Variants in SYT9 observed in about 807,000 individuals in gnomAD.
SYT9 encodes the protein synaptotagmin 9, also known as synaptotagmin-9.
In SYT9, 22 loss-of-function variants were observed where a neutral mutation model predicts 48.4. The ratio of observed to expected loss-of-function variants is 0.45; its 90% CI spans 0.32 to 0.65. The LOEUF (loss-of-function observed/expected upper bound fraction) is 0.65. Ranked by LOEUF, SYT9 falls within the 30% of genes least tolerant of loss-of-function variation. The pLI is 0.03. For missense variants in SYT9, 577 were observed against 622.0 expected, an observed-to-expected ratio of 0.93 and a Z score of 0.77; for synonymous variants, 265 against 245.0, an observed-to-expected ratio of 1.08 and a Z score of -0.76.
chr11:7,311,479 AG>A (rs1365097556), intron 2 of SYT9, among the ~76,000 whole-genome samples: 1 of 152,212 alleles, frequency 6.6e-6, no homozygotes, highest in Non-Finnish European at 1.5e-5. Context: ...GCAGAGTGAC[AG>A]GGCCTAGGGC....
At chr11:7,331,025 C>A (rs1297029678) in intron 3 of SYT9, among the ~76,000 whole-genome samples, 1 of 151,888 alleles carries the variant, frequency 6.6e-6, no homozygotes, top group Non-Finnish European at 1.5e-5. Context: ...TCTCGAACTC[C>A]TGACTCAAGT....
chr11:7,297,006 GAC>G (rs745565600), intron 1 of SYT9, among the ~76,000 whole-genome samples: 1 of 151,224 alleles, frequency 6.6e-6, no homozygotes, highest in African/African-American at 2.4e-5. Flanking sequence ...CCCTCCCCCT[GAC>G]ACACACACAA....
At chr11:7,318,374 C>G (rs996712306) in intron 3 of SYT9, among the ~76,000 whole-genome samples, 1 of 151,602 alleles carries the variant, frequency 6.6e-6, no homozygotes, top group African/African-American at 2.4e-5. Flanking sequence ...AGTGCAATGG[C>G]GCAATCAAGG....
chr11:7,350,602 C>T (rs1849895771), intron 3 of SYT9, among the ~76,000 whole-genome samples: 1 of 152,128 alleles, frequency 6.6e-6, no homozygotes, highest in African/African-American at 2.4e-5. Context: ...GGCCTGGGCT[C>T]ACTTTCCTTC....
At chr11:7,427,603 G>A (rs1011279650) in intron 6 of SYT9, 1 of 152,158 alleles carries the variant, frequency 6.6e-6, no homozygotes, top group Non-Finnish European at 1.5e-5. Flanking sequence ...TTTCTCACTA[G>A]GAATATATTT....
chr11:7,353,897 A>C (rs1265878073), intron 3 of SYT9, among the ~76,000 whole-genome samples: 1 of 152,222 alleles, frequency 6.6e-6, no homozygotes, highest in Non-Finnish European at 1.5e-5. Context: ...TTAAAAACAT[A>C]CACAAAATTT....
At chr11:7,330,717 A>T (rs1236285786) in intron 3 of SYT9, among the ~76,000 whole-genome samples, 1 of 152,056 alleles carries the variant, frequency 6.6e-6, no homozygotes, top group East Asian at 1.9e-4. Flanking sequence ...TTCTTTTGAG[A>T]TGGAGTTTCC....
intron 3 of SYT9, among the ~76,000 whole-genome samples, chr11:7,368,152 C>G (rs1451070837): frequency 6.6e-6 from 1 of 152,170 alleles, no homozygotes; most frequent in Non-Finnish European, 1.5e-5. Context: ...AAAGTATAAG[C>G]TAATGATTTT....
At chr11:7,362,737 T>C (rs1453149226) in intron 3 of SYT9, among the ~76,000 whole-genome samples, 3 of 152,154 alleles carry the variant, frequency 2.0e-5, no homozygotes, top group East Asian at 1.9e-4. Flanking sequence ...TCAACATTAA[T>C]GTGTTATATC....
chr11:7,361,007 T>C (rs974248721), intron 3 of SYT9, among the ~76,000 whole-genome samples: 2 of 152,194 alleles, frequency 1.3e-5, no homozygotes, highest in African/African-American at 4.8e-5. Flanking sequence ...TAGTATTCTC[T>C]AACATTTCTA....
At chr11:7,318,158 A>C (rs1046757367) in intron 3 of SYT9, among the ~76,000 whole-genome samples, 12 of 152,092 alleles carry the variant, frequency 7.9e-5, no homozygotes, top group Non-Finnish European at 1.3e-4. Flanking sequence ...CTACGTTAAG[A>C]TCTTGCATGT....
At chr11:7,288,014 G>T (rs1368146448) in intron 1 of SYT9, among the ~76,000 whole-genome samples, 1 of 151,862 alleles carries the variant, frequency 6.6e-6, no homozygotes, top group Non-Finnish European at 1.5e-5. Context: ...TCCCAGTAGA[G>T]AGAAGCATCA....
At chr11:7,333,164 G>A (rs1849572545) in intron 3 of SYT9, among the ~76,000 whole-genome samples, 1 of 152,206 alleles carries the variant, frequency 6.6e-6, no homozygotes, top group South Asian at 2.1e-4. Flanking sequence ...CTTCCAGGCT[G>A]AAATTCACTA....
intron 3 of SYT9, among the ~76,000 whole-genome samples, chr11:7,412,532 C>A (rs1175191315): frequency 6.6e-6 from 1 of 152,096 alleles, no homozygotes; most frequent in African/African-American, 2.4e-5. Flanking sequence ...TTTCTGGGAA[C>A]TAGGTTATTA....
intron 1 of SYT9, among the ~76,000 whole-genome samples, chr11:7,290,987 G>T (rs1310432750): frequency 6.6e-6 from 1 of 152,160 alleles, no homozygotes; most frequent in Admixed American, 6.5e-5. Flanking sequence ...TAATAGTAGG[G>T]AGCCATTGCT....
At chr11:7,423,147 G>T (rs928255802) in intron 6 of SYT9, among the ~76,000 whole-genome samples, 2 of 152,164 alleles carry the variant, frequency 1.3e-5, no homozygotes, top group Non-Finnish European at 2.9e-5. Context: ...GCAGGGGGAG[G>T]GCAAACCTTC....
chr11:7,314,251 T>G (rs1849201005), intron 3 of SYT9: 2 of 485,684 alleles, frequency 4.1e-6, no homozygotes, highest in Non-Finnish European at 8.0e-6. Context: ...TCTTTAGAGC[T>G]TTTTCAGGTT....
Position 7,466,809 on chromosome 11 carries a change from A to C in SYT9, c.*9A>C, listed in dbSNP as rs199948477. 9.4e-5 allele frequency: 151 copies of C among 1,613,418 alleles called. No individual in the cohort carries two copies. The African/African-American group carries it at 1.9e-3, about 20-fold the overall frequency. On this transcript the variant is annotated 3_prime_UTR_variant, in exon 7 of 7. Transcript: ENST00000318881. ...TCCTGCAGAAACGATGACCATGGGT[A>C]AGAGGACTGCTTGTGCCAAGGACAA...
chr11:7,373,683 C>T (rs1850403203), intron 3 of SYT9, among the ~76,000 whole-genome samples: 2 of 152,084 alleles, frequency 1.3e-5, no homozygotes, highest in Non-Finnish European at 2.9e-5. Context: ...TCCCCATATC[C>T]CACCAGTTTC....
Sources: allele counts gnomAD v4.1 joint callset (sites outside exome capture counted in the v4.1 genomes callset), GRCh38; gene constraint gnomAD v4.1.1; transcripts MANE v1.5; gene names NCBI Gene and HGNC (gene_info 2026-07-23, HGNC 2026-07-21).